The following CNTNAP5 variants were observed in gnomAD, a reference collection of about 807,000 sequenced individuals.
CNTNAP5 encodes the protein contactin-associated protein-like 5.
Under a neutral mutation model 150.2 loss-of-function variants are expected in CNTNAP5, and 72 were observed. That is an observed-to-expected ratio of 0.48 (90% CI 0.40 to 0.58). CNTNAP5 has a LOEUF of 0.58. Ranked by LOEUF, CNTNAP5 falls within the 20% of genes least tolerant of loss-of-function variation. CNTNAP5 has a pLI of 0.00. For missense variants in CNTNAP5, 1,636 were observed against 1,626.2 expected (o/e 1.01, Z -0.10); for synonymous variants, 672 against 619.8 (o/e 1.08, Z -1.25).
chr2:124,553,749 C>G (rs1290940774), intron 10 of CNTNAP5, among the ~76,000 whole-genome samples: 1 of 152,030 alleles, frequency 6.6e-6, no homozygotes, highest in Non-Finnish European at 1.5e-5. Flanking sequence ...GTTATTTTCA[C>G]CAAAAGGCAA....
chr2:124,712,657 A>G (rs1679830374), intron 13 of CNTNAP5, among the ~76,000 whole-genome samples: 1 of 152,174 alleles, frequency 6.6e-6, no homozygotes, highest in African/African-American at 2.4e-5. Context: ...AGAAGGTTCA[A>G]TGTACAGTGA....
chr2:124,739,039 A>G (rs1030366237), intron 13 of CNTNAP5, among the ~76,000 whole-genome samples: 1 of 152,204 alleles, frequency 6.6e-6, no homozygotes, highest in Non-Finnish European at 1.5e-5. Context: ...AAGGATCCCC[A>G]TAGTCCATTC....
At chr2:124,362,192 G>T (rs554323406) in intron 3 of CNTNAP5, among the ~76,000 whole-genome samples, 24 of 152,346 alleles carry the variant, frequency 1.6e-4, no homozygotes, top group African/African-American at 5.5e-4. Context: ...CGAACCCGCT[G>T]ACCTGCGCCC....
chr2:124,643,648 T>A (rs1158233557), intron 12 of CNTNAP5, among the ~76,000 whole-genome samples: 1 of 152,198 alleles, frequency 6.6e-6, no homozygotes, highest in Non-Finnish European at 1.5e-5. Context: ...TCTAATGTTG[T>A]AGAAAACTTC....
chr2:124,026,264 T>C (rs998063126), intron 1 of CNTNAP5, among the ~76,000 whole-genome samples: 2 of 152,052 alleles, frequency 1.3e-5, no homozygotes, highest in African/African-American at 2.4e-5. Flanking sequence ...TTTAACAGGA[T>C]TGGGAGTTTT....
chr2:124,846,407 TCA>T (rs1683048915), intron 19 of CNTNAP5, among the ~76,000 whole-genome samples: 1 of 152,198 alleles, frequency 6.6e-6, no homozygotes, highest in Non-Finnish European at 1.5e-5. Context: ...AGTGTGTCCT[TCA>T]TTTCCAGGAG....
At chr2:124,567,092 C>A (rs10203351) in intron 11 of CNTNAP5, among the ~76,000 whole-genome samples, 2,375 of 152,220 alleles carry the variant, frequency 0.016, 56 homozygotes, top group African/African-American at 0.054. Context: ...CGAAAACAGT[C>A]TTTTCCCCCT....
At chr2:124,460,765 C>T (rs948367631) in intron 6 of CNTNAP5, among the ~76,000 whole-genome samples, 4 of 152,108 alleles carry the variant, frequency 2.6e-5, no homozygotes, top group African/African-American at 9.7e-5. Context: ...CTTGGCGTTG[C>T]CTAATGGACA....
chr2:124,074,152 A>T (rs1206736048), intron 1 of CNTNAP5, among the ~76,000 whole-genome samples: 1 of 152,102 alleles, frequency 6.6e-6, no homozygotes, highest in Non-Finnish European at 1.5e-5. Context: ...AATTGAACTT[A>T]TGGATATAGA....
At chr2:124,647,700 G>T (rs752731058) in intron 12 of CNTNAP5, 58 bp from the exon 13 acceptor site, 1 of 1,488,884 alleles carries the variant, frequency 6.7e-7, no homozygotes, top group Non-Finnish European at 9.1e-7. Flanking sequence ...CTGCTCACAT[G>T]CTCCATTTTT....
At chr2:124,064,158 C>T (rs905979978) in intron 1 of CNTNAP5, among the ~76,000 whole-genome samples, 8 of 152,050 alleles carry the variant, frequency 5.3e-5, no homozygotes, top group African/African-American at 1.9e-4. Context: ...CTTTAGATTC[C>T]TGATATCTGA....
intron 1 of CNTNAP5, among the ~76,000 whole-genome samples, chr2:124,111,355 A>G (rs1209250680): frequency 6.6e-6 from 1 of 152,194 alleles, no homozygotes; most frequent in Non-Finnish European, 1.5e-5. Flanking sequence ...CTGTGATTGC[A>G]ATTAAACTGG....
At chr2:124,148,875 TACAC>T (rs200338290) in intron 1 of CNTNAP5, among the ~76,000 whole-genome samples, 14 of 151,606 alleles carry the variant, frequency 9.2e-5, no homozygotes, top group African/African-American at 2.4e-5. Flanking sequence ...TGTATATATA[TACAC>T]ACACACATAT....
At chr2:124,536,401 C>A (rs185041215) in intron 10 of CNTNAP5, among the ~76,000 whole-genome samples, 81 of 152,192 alleles carry the variant, frequency 5.3e-4, no homozygotes, top group Admixed American at 1.7e-3. Context: ...CAGACAGCAA[C>A]CCAATTCTAC....
At position 124,423,652 on chromosome 2, in the gene CNTNAP5, C is replaced by CT. The variant is rs1187961580; in HGVS notation, c.529+6092dup. Among the ~76,000 whole-genome samples the CT allele has an allele frequency of 8.7e-3, 362 of 41,580 alleles. 99 individuals carry two copies. The highest frequency in any genetic ancestry group is 0.025 in the African/African-American group (242 of 9,622). 27.3% of individuals were successfully genotyped at this position (41,580 alleles called of 152,430 possible). On this transcript the variant is annotated intron_variant, in intron 4 of 23. Coordinates refer to ENST00000682447, the MANE Select transcript of CNTNAP5 (RefSeq NM_001367498.1). ...TGAGCCACTGCGCCCGGCTAATTAA[C>CT]TTTTTTTTTTTTTTTTTTTTTTTTT...
chr2:124,450,508 C>T lies in CNTNAP5; in HGVS notation c.918+3571C>T, dbSNP rs539731082. ...TAAGATGTCTGCAGTGGTCTGTTTC[C>T]CTTCCTGCCCAGAAGGCAAACAGAC... On this transcript the variant is annotated intron_variant, in intron 6 of 23. Coordinates refer to ENST00000682447, the MANE Select transcript of CNTNAP5 (RefSeq NM_001367498.1). Among the ~76,000 whole-genome samples, 3 of 149,260 alleles carry T rather than the reference C, an allele frequency of 2.0e-5. No individual in the cohort carries two copies. The South Asian group carries it at 6.4e-4, about 32-fold the overall frequency.
intron 19 of CNTNAP5, among the ~76,000 whole-genome samples, chr2:124,836,078 G>A (rs1682823468): frequency 1.3e-5 from 2 of 152,102 alleles, no homozygotes; most frequent in African/African-American, 4.8e-5. Context: ...AATGGTAAGT[G>A]GCAGAAGGAT....
chr2:124,041,513 CAT>C (rs1248335329), intron 1 of CNTNAP5, among the ~76,000 whole-genome samples: 1 of 152,166 alleles, frequency 6.6e-6, no homozygotes, highest in Non-Finnish European at 1.5e-5. Context: ...ACATAGCAAA[CAT>C]ATACACTTAC....
At chr2:124,288,776 T>A (rs973047332) in intron 3 of CNTNAP5, among the ~76,000 whole-genome samples, 2 of 152,212 alleles carry the variant, frequency 1.3e-5, no homozygotes, top group Admixed American at 6.5e-5. Context: ...TGCCCGTTTT[T>A]CCTGCAATGA....
Sources: gnomAD v4.1 joint callset for allele counts (sites outside exome capture counted in the v4.1 genomes callset) on GRCh38, gnomAD v4.1.1 for gene constraint, MANE v1.5 for transcripts, NCBI Gene and HGNC (gene_info 2026-07-23, HGNC 2026-07-21) for gene names.